Variants in RIOX2 observed in about 807,000 individuals in gnomAD.
RIOX2 encodes the protein 60S ribosomal protein L27a histidine hydroxylase.
In RIOX2, 43 loss-of-function variants were observed where a neutral mutation model predicts 51.2. The ratio of observed to expected loss-of-function variants is 0.84; its 90% CI spans 0.66 to 1.08. The LOEUF is 1.08. Among genes scored for constraint, RIOX2 ranks in the 50% least tolerant of loss-of-function variants. The pLI, the probability that RIOX2 is intolerant of heterozygous loss-of-function variation, is 0.00. For missense variants in RIOX2, 566 were observed against 561.7 expected (o/e 1.01, Z -0.08); for synonymous variants, 226 against 218.5 (o/e 1.03, Z -0.30).
At chr3:97,959,306 GTTT>G (rs67345115) in intron 3 of RIOX2, 127 bp from the exon 4 acceptor site, 1,534 of 235,850 alleles carry the variant, frequency 6.5e-3, no homozygotes, top group Middle Eastern at 0.012. Flanking sequence ...AACAACACAG[GTTT>G]TTTTTTTTTT....
chr3:97,962,512 A>G (rs1705724831), intron 2 of RIOX2, among the ~76,000 whole-genome samples: 1 of 152,156 alleles, frequency 6.6e-6, no homozygotes, highest in Non-Finnish European at 1.5e-5. Flanking sequence ...AGGTACAGAC[A>G]GAGAAGAAAT....
At chr3:97,954,018 T>G (rs1473677241) in intron 5 of RIOX2, 4 of 176,070 alleles carry the variant, frequency 2.3e-5, no homozygotes, top group South Asian at 1.4e-4. Flanking sequence ...TTAAAATGGT[T>G]TAAAATGGTA....
chr3:97,950,846 T>C lies in RIOX2; in HGVS notation c.828A>G (p.Val276=), dbSNP rs1223910270. The C allele has an allele frequency of 7.4e-6, 12 of 1,613,478 alleles. No individual in the cohort carries two copies. The highest frequency in any genetic ancestry group is 1.0e-5 in the Non-Finnish European group (12 of 1,179,782). The stretch of plus-strand genomic sequence containing the variant: ...CCACGTCTTCCTTTGCAGTATCAAA[T>C]ACAAGCCCCGAGATGGTATCCAAAA... ...DFLLDTISGL[V]FDTAKEDVEL... The change falls in exon 6 of 10, where the codon GTA becomes GTG. Residue 276 remains valine, a synonymous_variant. Coordinates refer to ENST00000394198, the MANE Select transcript of RIOX2 (RefSeq NM_153182.4).
At chr3:97,971,026 T>C (rs1706109362) in intron 1 of RIOX2, among the ~76,000 whole-genome samples, 1 of 152,236 alleles carries the variant, frequency 6.6e-6, no homozygotes, top group East Asian at 1.9e-4. Context: ...GTATACAATT[T>C]TGGAGACAAA....
chr3:97,947,369 C>T lies in RIOX2; in HGVS notation c.1141G>A (p.Asp381Asn), dbSNP rs780488111. 6.2e-6 allele frequency: 10 copies of T among 1,612,762 alleles called. No homozygotes were observed. Among genetic ancestry groups the T allele is most frequent in the Non-Finnish European group, 1.7e-6 (2 of 1,178,910 alleles). The change falls in exon 8 of 10, where the codon GAT (aspartate) becomes AAT (asparagine). Residue 381 changes from aspartate (D) to asparagine (N), a missense_variant. Asp to Asn is a conservative substitution (Grantham distance 23). Coordinates refer to ENST00000394198, the MANE Select transcript of RIOX2 (RefSeq NM_153182.4). Reference sequence around the variant, plus strand: ...TCCTCTTGGATACTCACAGATTGATCTTGATCCGGCAGTACTGTGAGGACA... The same window carrying T: ...TCCTCTTGGATACTCACAGATTGATTTTGATCCGGCAGTACTGTGAGGACA... ...HIVLTVLPDQ[D>N]QSDEAQEKMV... is the part of the protein sequence containing the mutation.
intron 5 of RIOX2, among the ~76,000 whole-genome samples, chr3:97,951,797 C>G (rs981257457): frequency 6.6e-6 from 1 of 152,178 alleles, no homozygotes; most frequent in Non-Finnish European, 1.5e-5. Flanking sequence ...CCCAAGACAT[C>G]TACTACCTGG....
chr3:97,964,846 A>G (rs1440728074), intron 2 of RIOX2, among the ~76,000 whole-genome samples: 1 of 152,100 alleles, frequency 6.6e-6, no homozygotes, highest in African/African-American at 2.4e-5. Flanking sequence ...AAATGCAAAT[A>G]ATTGTGATAA....
rs1022348132 is a variant in RIOX2, at chr3:97,942,042, A to G, written c.*3142T>C. 1.6e-5 allele frequency: 5 copies of G among 312,230 alleles called. No individual in the cohort carries two copies. Among genetic ancestry groups the G allele is most frequent in the African/African-American group, 4.3e-5 (2 of 46,430 alleles). The allele number at this position is 312,230 out of a possible 1,614,324, so 19.3% of individuals were successfully genotyped here. On this transcript the variant is annotated 3_prime_UTR_variant, in exon 10 of 10. Transcript: ENST00000394198. The stretch of plus-strand genomic sequence containing the variant: ...TTATTGAACATCTGTTGTCAGATGT[A>G]GACATCCTATTAAAAACAAGTACCT...
At chr3:97,951,663 TA>T (rs1705260786) in intron 5 of RIOX2, among the ~76,000 whole-genome samples, 1 of 152,200 alleles carries the variant, frequency 6.6e-6, no homozygotes, top group Admixed American at 6.5e-5. Flanking sequence ...AATTGCCGGC[TA>T]GTAGAAAATG....
chr3:97,964,034 A>G (rs1270964202), intron 2 of RIOX2, among the ~76,000 whole-genome samples: 1 of 152,194 alleles, frequency 6.6e-6, no homozygotes, highest in East Asian at 1.9e-4. Context: ...CATTGACTCA[A>G]GCACAAACAA....
intron 5 of RIOX2, among the ~76,000 whole-genome samples, chr3:97,951,805 T>C (rs1332088609): frequency 2.6e-5 from 4 of 152,206 alleles, no homozygotes; most frequent in Non-Finnish European, 5.9e-5. Context: ...ATCTACTACC[T>C]GGCGGCCTCA....
At chr3:97,951,712 G>A (rs1409706662) in intron 5 of RIOX2, among the ~76,000 whole-genome samples, 2 of 152,160 alleles carry the variant, frequency 1.3e-5, no homozygotes, top group Non-Finnish European at 2.9e-5. Flanking sequence ...CACTCAGTAA[G>A]CAAAATTAAC....
At chr3:97,966,047 GA>G (rs1705877960) in intron 2 of RIOX2, among the ~76,000 whole-genome samples, 1 of 152,150 alleles carries the variant, frequency 6.6e-6, no homozygotes, top group African/African-American at 2.4e-5. Context: ...GGAATAGCTG[GA>G]ATCAGGACTC....
In RIOX2 at chr3:97,943,131, C is replaced by G. The variant is rs1345813929; in HGVS notation, c.*2053G>C. 1.5e-6 allele frequency: 1 copy of G among 686,810 alleles called. No individual in the cohort carries two copies. The highest frequency in any genetic ancestry group is 2.7e-5 in the East Asian group (1 of 36,970). 42.5% of individuals were successfully genotyped at this position (686,810 alleles called of 1,614,324 possible). ...CTTTGTAAATGACACATTCATCCACCGAAATGGTGAGCTGAACAGAAGCTT... is the reference window on the plus strand; with the variant it reads ...CTTTGTAAATGACACATTCATCCACGGAAATGGTGAGCTGAACAGAAGCTT... On this transcript the variant is annotated 3_prime_UTR_variant, in exon 10 of 10. Coordinates refer to ENST00000394198, the MANE Select transcript of RIOX2 (RefSeq NM_153182.4).
rs1009701748 is a variant in RIOX2, at chr3:97,942,500, T to A, written c.*2684A>T. ...CCTGGATATTAGTTTCAGTTCCAAA[T>A]CTCCTCATTTTGGGTAAAGGACATC... On this transcript the variant is annotated 3_prime_UTR_variant, in exon 10 of 10. Transcript: ENST00000394198. 26 of 1,455,992 alleles carry A rather than the reference T, an allele frequency of 1.8e-5. No homozygotes were observed. In the Admixed American group the frequency reaches 5.0e-4, roughly 28 times the overall value. The allele number at this position is 1,455,992 out of a possible 1,614,324, so 90.2% of individuals were successfully genotyped here. A position where few individuals can be genotyped will look rare whatever the true frequency, so the allele number is the denominator to read the frequency against.
At chr3:97,949,219 G>A (rs1174856202) in intron 7 of RIOX2, among the ~76,000 whole-genome samples, 2 of 152,054 alleles carry the variant, frequency 1.3e-5, no homozygotes, top group Non-Finnish European at 2.9e-5. Flanking sequence ...TGGGGGCGGT[G>A]AGTGACTTCT....
rs192866815 is a variant in RIOX2, at chr3:97,966,793, T to C, written c.432+369A>G. ...ACCTTGATGCTGTCATGCCTTAAAT[T>C]ACAGTGATGTGACAAACCAAATAGA... On this transcript the variant is annotated intron_variant, in intron 2 of 9. Transcript: ENST00000394198. 7.2e-5 allele frequency among the ~76,000 whole-genome samples: 11 copies of C among 152,338 alleles called. 1 individual carries two copies. In the East Asian group the frequency reaches 1.4e-3, roughly 19 times the overall value.
chr3:97,961,730 A>C, intron 2 of RIOX2, 22 bp from the exon 3 acceptor site: 1 of 1,576,782 alleles, frequency 6.3e-7, no homozygotes, highest in African/African-American at 1.4e-5. Flanking sequence ...AGGAAAAAAG[A>C]AAGGGTCGGC....
At chr3:97,947,490 G>C (rs779223504) in intron 7 of RIOX2, 41 bp from the exon 8 acceptor site, 2 of 1,506,614 alleles carry the variant, frequency 1.3e-6, no homozygotes, top group East Asian at 4.5e-5. Context: ...TTCAAAAAAG[G>C]AAACAGGCAG....
Sources: gnomAD v4.1 joint callset for allele counts (sites outside exome capture counted in the v4.1 genomes callset) on GRCh38, gnomAD v4.1.1 for gene constraint, MANE v1.5 for transcripts, NCBI Gene and HGNC (gene_info 2026-07-23, HGNC 2026-07-21) for gene names.